Variants in MCU observed in about 807,000 individuals in gnomAD.
MCU encodes the protein mitochondrial calcium uniporter, also known as calcium uniporter protein, mitochondrial.
MCU carries 12 observed loss-of-function variants against 45.2 expected under a neutral mutation model. The observed-to-expected ratio is 0.27, with a 90% CI of 0.17 to 0.43. MCU has a LOEUF of 0.43. Ranked by LOEUF, MCU falls within the 20% of genes least tolerant of loss-of-function variation. MCU has a pLI of 1.00. For missense variants in MCU, 324 were observed against 436.7 expected (o/e 0.74, Z 2.30); for synonymous variants, 160 against 165.1 (o/e 0.97, Z 0.24).
chr10:72,745,909 A>G (rs1843409096), intron 1 of MCU, among the ~76,000 whole-genome samples: 1 of 152,208 alleles, frequency 6.6e-6, no homozygotes, highest in Non-Finnish European at 1.5e-5. Flanking sequence ...GTTCATTGAC[A>G]TTAAGTACCT....
intron 2 of MCU, among the ~76,000 whole-genome samples, chr10:72,845,240 AAAAT>A (rs1361080895): frequency 6.6e-6 from 1 of 152,172 alleles, no homozygotes. Context: ...CTACATTACA[AAAAT>A]AAGTAAGTTC....
intron 1 of MCU, among the ~76,000 whole-genome samples, chr10:72,745,438 A>G (rs963343242): frequency 6.6e-6 from 1 of 152,196 alleles, no homozygotes; most frequent in East Asian, 1.9e-4. Context: ...CATGTTAGCC[A>G]GGCTGGTCTC....
At chr10:72,798,600 G>A (rs1293979985) in intron 1 of MCU, among the ~76,000 whole-genome samples, 1 of 151,820 alleles carries the variant, frequency 6.6e-6, no homozygotes, top group African/African-American at 2.4e-5. Flanking sequence ...GCTCCTCTCA[G>A]GACTTTTTTT....
At chr10:72,832,297 G>A (rs904350652) in intron 1 of MCU, among the ~76,000 whole-genome samples, 1 of 152,046 alleles carries the variant, frequency 6.6e-6, no homozygotes, top group African/African-American at 2.4e-5. Context: ...AAGAGATTAC[G>A]TATGTATGTT....
intron 1 of MCU, among the ~76,000 whole-genome samples, chr10:72,770,483 A>G (rs1843788914): frequency 6.6e-6 from 1 of 151,890 alleles, no homozygotes; most frequent in Non-Finnish European, 1.5e-5. Context: ...GTGCTATTAC[A>G]TTTTCTCAGT....
intron 1 of MCU, among the ~76,000 whole-genome samples, chr10:72,696,547 C>T (rs1260092889): frequency 2.0e-5 from 3 of 152,222 alleles, no homozygotes; most frequent in East Asian, 1.9e-4. Flanking sequence ...CTTCTGTCCT[C>T]TCTGAATTCT....
intron 1 of MCU, among the ~76,000 whole-genome samples, chr10:72,742,292 C>T (rs1843346509): frequency 6.6e-6 from 1 of 152,066 alleles, no homozygotes; most frequent in Non-Finnish European, 1.5e-5. Flanking sequence ...ACTGTGATGC[C>T]TGCATAATGA....
chr10:72,715,430 A>G (rs1265312351), intron 1 of MCU, among the ~76,000 whole-genome samples: 11 of 152,142 alleles, frequency 7.2e-5, no homozygotes, highest in African/African-American at 1.9e-4. Flanking sequence ...TATTTTTACT[A>G]TGGTACACCC....
At chr10:72,773,354 ACT>A (rs146896574) in intron 1 of MCU, among the ~76,000 whole-genome samples, 7,995 of 152,038 alleles carry the variant, frequency 0.053, 702 homozygotes, top group African/African-American at 0.18. Context: ...AACTGAAAAA[ACT>A]CTGTGGAGGC....
chr10:72,699,718 AG>A (rs959820386), intron 1 of MCU, among the ~76,000 whole-genome samples: 1 of 150,764 alleles, frequency 6.6e-6, no homozygotes, highest in Admixed American at 6.6e-5. Flanking sequence ...CAGCCTCCTG[AG>A]TGGCTGGGAC....
chr10:72,699,980 C>T (rs1667340459), intron 1 of MCU, among the ~76,000 whole-genome samples: 1 of 151,912 alleles, frequency 6.6e-6, no homozygotes, highest in African/African-American at 2.4e-5. Context: ...CAATTCTTTT[C>T]CTACTAAATT....
At position 72,725,610 on chromosome 10, in the gene MCU, C is replaced by T. The variant is rs182640380; in HGVS notation, c.150+33309C>T. On this transcript the variant is annotated intron_variant, in intron 1 of 7. Coordinates refer to ENST00000373053, the MANE Select transcript of MCU (RefSeq NM_138357.3). ...TCATTTAAAAAATATTAATGTAGGC[C>T]GGGTGCGGTGGCTCACGCCTATAAT... Among the ~76,000 whole-genome samples, 236 of 152,082 alleles carry T rather than the reference C, an allele frequency of 1.6e-3. 2 individuals carry two copies. The highest frequency in any genetic ancestry group is 1.0e-2 in the South Asian group (48 of 4,802).
rs146484328 is a variant in MCU at position 72,800,776 on chromosome 10, A to G, written c.151-33583A>G. ...TTGCCGTCATGCATTTTTAATTGAT[A>G]TAATTTACACACAATGAAGTACACA... On this transcript the variant is annotated intron_variant, in intron 1 of 7. Coordinates refer to ENST00000373053, the MANE Select transcript of MCU (RefSeq NM_138357.3). Among the ~76,000 whole-genome samples the G allele has an allele frequency of 2.4e-4, 36 of 152,340 alleles. 2 individuals carry two copies. In the East Asian group the frequency reaches 6.2e-3, roughly 26 times the overall value.
intron 1 of MCU, among the ~76,000 whole-genome samples, chr10:72,817,644 T>C (rs1310548318): frequency 2.0e-5 from 3 of 152,190 alleles, no homozygotes; most frequent in Non-Finnish European, 2.9e-5. Context: ...TTTTAAGAGA[T>C]GGAGTCTGTT....
chr10:72,779,919 A>G (rs56126148), intron 1 of MCU, among the ~76,000 whole-genome samples: 7,107 of 152,284 alleles, frequency 0.047, 533 homozygotes, highest in African/African-American at 0.16. Flanking sequence ...TAGCAATTCT[A>G]CTTGTAAATA....
At chr10:72,701,921 T>G (rs1842763566) in intron 1 of MCU, among the ~76,000 whole-genome samples, 1 of 152,098 alleles carries the variant, frequency 6.6e-6, no homozygotes, top group Non-Finnish European at 1.5e-5. Context: ...CTTGGAGATA[T>G]TCCTAATTTA....
intron 1 of MCU, chr10:72,760,712 C>CT (rs1381226351): frequency 0.096 from 11,213 of 116,696 alleles, 2,064 homozygotes; most frequent in African/African-American, 0.31. Context: ...TTTTTTTTTT[C>CT]TTTCTTTTTT....
intron 1 of MCU, among the ~76,000 whole-genome samples, chr10:72,734,370 T>C (rs1251674020): frequency 6.6e-6 from 1 of 152,234 alleles, no homozygotes; most frequent in East Asian, 1.9e-4. Context: ...AAAATATACA[T>C]TGGATTATTT....
chr10:72,723,546 C>A (rs1843052450), intron 1 of MCU, among the ~76,000 whole-genome samples: 1 of 152,072 alleles, frequency 6.6e-6, no homozygotes, highest in African/African-American at 2.4e-5. Context: ...AATAGGTCAT[C>A]TTTATATACA....
Sources: allele counts gnomAD v4.1 joint callset (sites outside exome capture counted in the v4.1 genomes callset), GRCh38; gene constraint gnomAD v4.1.1; transcripts MANE v1.5; gene names NCBI Gene and HGNC (gene_info 2026-07-23, HGNC 2026-07-21).